Variants in KANK3 observed in about 807,000 individuals in gnomAD.
KANK3 encodes the protein KN motif and ankyrin repeat domains 3.
Under a neutral mutation model 65.4 loss-of-function variants are expected in KANK3, and 61 were observed. That is an observed-to-expected ratio of 0.93 (90% CI 0.76 to 1.15). The LOEUF (loss-of-function observed/expected upper bound fraction) is 1.15. Among genes scored for constraint, KANK3 ranks in the 50% most tolerant of loss-of-function variants. The pLI, the probability that KANK3 is intolerant of heterozygous loss-of-function variation, is 0.00. For missense variants in KANK3, 1,187 were observed against 1,178.8 expected, an observed-to-expected ratio of 1.01 and a Z score of -0.10; for synonymous variants, 586 against 543.3, an observed-to-expected ratio of 1.08 and a Z score of -1.09.
chr19:8,340,245 G>C (rs1306592538), intron 1 of KANK3, among the ~76,000 whole-genome samples: 1 of 90,934 alleles, frequency 1.1e-5, no homozygotes, highest in Non-Finnish European at 2.1e-5. Flanking sequence ...CTGGGGGACA[G>C]AGCCAGACTC....
intron 1 of KANK3, among the ~76,000 whole-genome samples, chr19:8,339,092 A>C (rs968307263): frequency 1.8e-4 from 28 of 152,178 alleles, no homozygotes; most frequent in African/African-American, 6.7e-4. Context: ...GCAAACACAA[A>C]ACACCTGGGT....
intron 1 of KANK3, among the ~76,000 whole-genome samples, chr19:8,339,764 T>C (rs1214376534): frequency 1.3e-5 from 2 of 151,590 alleles, no homozygotes; most frequent in African/African-American, 2.4e-5. Context: ...GCTCTGTCTC[T>C]AAATAAATAA....
chr19:8,335,160 G>C lies in KANK3; in HGVS notation c.667C>G (p.Arg223Gly). 4.1e-6 allele frequency: 5 copies of C among 1,215,818 alleles called. No homozygotes were observed. Among genetic ancestry groups the C allele is most frequent in the Non-Finnish European group, 5.1e-6 (5 of 978,828 alleles). 75.3% of individuals were successfully genotyped at this position (1,215,818 alleles called of 1,614,324 possible). A position where few individuals can be genotyped will look rare whatever the true frequency, so the allele number is the denominator to read the frequency against. ...GGCTGCGCGCGCCCGGCCAGCAGCC[G>C]CGCCTTCTCGGCGCGCAGCGCGCGC... is the stretch of plus-strand genomic sequence containing the variant. ...QVRALRAEKARLLAGRAQPEP... is the reference protein window; with the variant it reads ...QVRALRAEKAGLLAGRAQPEP... The change falls in exon 3 of 11, where the codon CGG becomes GGG. Residue 223 changes from arginine (R) to glycine (G), a missense_variant. Arg to Gly is a moderately radical substitution (Grantham distance 125). This residue lies in a region of KANK3 where 1,078 missense variants were observed against 1,038.2 expected (regional missense o/e 1.04). Transcript: ENST00000330915.
At chr19:8,341,999 CTTTTAT>C (rs1191319966) in intron 1 of KANK3, among the ~76,000 whole-genome samples, 5 of 151,852 alleles carry the variant, frequency 3.3e-5, no homozygotes, top group Non-Finnish European at 5.9e-5. Context: ...TGAATGCTTT[CTTTTAT>C]TTTTATTTTT....
In KANK3 at chr19:8,333,900, C is replaced by G; in HGVS notation, c.1634+10G>C. Reference sequence around the variant, plus strand: ...GCCTCCTCTCCAAACAACTAGCGAGCGCCGCTCACCTCCCCTGTGCCACCT... The same window carrying G: ...GCCTCCTCTCCAAACAACTAGCGAGGGCCGCTCACCTCCCCTGTGCCACCT... On this transcript the variant is annotated intron_variant, in intron 5 of 10. Transcript: ENST00000330915. The surrounding 1 kb of genome is among the most constrained non-coding windows in gnomAD (Gnocchi z 5.0). 6.3e-7 allele frequency: 1 copy of G among 1,575,542 alleles called. No individual in the cohort carries two copies. Among genetic ancestry groups the G allele is most frequent in the Non-Finnish European group, 8.6e-7 (1 of 1,163,210 alleles).
intron 7 of KANK3, among the ~76,000 whole-genome samples, chr19:8,325,984 G>A (rs757209740): frequency 2.6e-5 from 4 of 152,160 alleles, no homozygotes; most frequent in East Asian, 2.0e-4. Flanking sequence ...GCACCACCAC[G>A]CCCAGCTAAT....
intron 1 of KANK3, among the ~76,000 whole-genome samples, chr19:8,341,060 G>A (rs986267212): frequency 2.6e-5 from 4 of 152,114 alleles, no homozygotes; most frequent in African/African-American, 9.7e-5. Flanking sequence ...TGGGATCTCA[G>A]AAGACAGCTG....
At chr19:8,342,384 T>C (rs2145446076) in intron 1 of KANK3, among the ~76,000 whole-genome samples, 1 of 152,252 alleles carries the variant, frequency 6.6e-6, no homozygotes, top group African/African-American at 2.4e-5. Flanking sequence ...GGCTGGGGCC[T>C]CACTAAGTGG....
Position 8,333,748 on chromosome 19 carries a change from C to T in KANK3, c.1695G>A (p.Arg565=), listed in dbSNP as rs1599648134. 2.0e-6 allele frequency: 3 copies of T among 1,476,650 alleles called. No homozygotes were observed. The highest frequency in any genetic ancestry group is 2.7e-6 in the Non-Finnish European group (3 of 1,110,242). 91.5% of individuals were successfully genotyped at this position (1,476,650 alleles called of 1,614,324 possible). The change falls in exon 6 of 11, where the codon CGG becomes CGA. Residue 565 remains arginine, a synonymous_variant. Coordinates refer to ENST00000330915, the MANE Select transcript of KANK3 (RefSeq NM_198471.3). The surrounding 1 kb of genome is among the most constrained non-coding windows in gnomAD (Gnocchi z 5.0). ...ACVALQRQLS[R]PRGVASDGGA... The stretch of plus-strand genomic sequence containing the variant: ...CGCCGTCGCTGGCTACTCCGCGGGG[C>T]CGGCTCAGCTGCCGCTGCAGCGCTA...
At position 8,334,752 on chromosome 19, in the gene KANK3, G is replaced by T; in HGVS notation, c.1075C>A (p.Arg359Ser). The T allele has an allele frequency of 6.6e-7, 1 of 1,525,724 alleles. No individual in the cohort carries two copies. Among genetic ancestry groups the T allele is most frequent in the South Asian group, 1.2e-5 (1 of 83,042 alleles). 94.5% of individuals were successfully genotyped at this position (1,525,724 alleles called of 1,614,324 possible). Residue 359 changes from arginine to serine, a missense_variant, in exon 3 of 11, where the codon CGC becomes AGC. Coordinates refer to ENST00000330915, the MANE Select transcript of KANK3 (RefSeq NM_198471.3). ...AAAERELELL[R>S]ASLEHQRGVS... is the part of the protein sequence containing the mutation. ...CCGCGCTGGTGCTCCAGACTGGCGC[G>T]CAGCAGCTCTAGCTCGCGCTCGGCG...
intron 7 of KANK3, among the ~76,000 whole-genome samples, 200 bp from the exon 8 acceptor site, chr19:8,325,296 C>CCTTTTTT (rs1970406665): frequency 1.3e-5 from 1 of 78,604 alleles, no homozygotes; most frequent in Non-Finnish European, 2.3e-5. Context: ...CCTGTTTCAT[C>CCTTTTTT]TTTTTTTTTT....
At chr19:8,330,901 C>T (rs985068906) in intron 7 of KANK3, among the ~76,000 whole-genome samples, 1 of 147,352 alleles carries the variant, frequency 6.8e-6, no homozygotes, top group African/African-American at 2.5e-5. Context: ...AAGATCTGTT[C>T]GAAAAAACAA....
At chr19:8,332,855 A>T (rs1970551081) in intron 7 of KANK3, 159 bp downstream of exon 7, 3 of 411,454 alleles carry the variant, frequency 7.3e-6, no homozygotes, top group Non-Finnish European at 1.3e-5. Context: ...ATAAAATAAT[A>T]AAATTAAAAT....
At chr19:8,332,585 G>C (rs915264265) in intron 7 of KANK3, among the ~76,000 whole-genome samples, 4 of 151,548 alleles carry the variant, frequency 2.6e-5, no homozygotes, top group Non-Finnish European at 5.9e-5. Context: ...TTGGGAGGCC[G>C]GGGCAGGCAG....
At chr19:8,325,572 G>A (rs1970413487) in intron 7 of KANK3, among the ~76,000 whole-genome samples, 1 of 151,954 alleles carries the variant, frequency 6.6e-6, no homozygotes, top group South Asian at 2.1e-4. Context: ...TGGCCCAGTG[G>A]CTATTTCAAA....
At chr19:8,328,592 G>T (rs758384898) in intron 7 of KANK3, among the ~76,000 whole-genome samples, 1 of 152,104 alleles carries the variant, frequency 6.6e-6, no homozygotes, top group Non-Finnish European at 1.5e-5. Flanking sequence ...GAGGCAAAGA[G>T]ACAAGGGGTG....
intron 2 of KANK3, 40 bp downstream of exon 2, chr19:8,337,755 A>G: frequency 6.2e-7 from 1 of 1,603,440 alleles, no homozygotes; most frequent in Non-Finnish European, 8.5e-7. Context: ...TTCTCTGTGC[A>G]TGCGCACACA....
chr19:8,333,551 A>C lies in KANK3; in HGVS notation c.1719+173T>G, dbSNP rs1481656047. Among the ~76,000 whole-genome samples, 1 of 152,214 alleles carries C rather than the reference A, an allele frequency of 6.6e-6. No individual in the cohort carries two copies. The highest frequency in any genetic ancestry group is 2.4e-5 in the African/African-American group (1 of 41,536). On this transcript the variant is annotated intron_variant, in intron 6 of 10. Transcript: ENST00000330915. The surrounding 1 kb of genome is among the most constrained non-coding windows in gnomAD (Gnocchi z 5.0). ...GGGCTGGGGCCGGGCCTTTTTGGGG[A>C]AACCAAGGAAAGATCGGCGCTGTCC...
chr19:8,338,970 C>T (rs2913959), intron 1 of KANK3, among the ~76,000 whole-genome samples: 91,741 of 150,412 alleles, frequency 0.61, 28,279 homozygotes, highest in African/African-American at 0.66. Flanking sequence ...TGGGGAATTG[C>T]GGGCTGGATG....
Sources: allele counts gnomAD v4.1 joint callset (sites outside exome capture counted in the v4.1 genomes callset), GRCh38; gene constraint gnomAD v4.1.1; regional missense constraint gnomAD v4.1.1; non-coding constraint Gnocchi (gnomAD v3.1); transcripts MANE v1.5; gene names NCBI Gene and HGNC (gene_info 2026-07-23, HGNC 2026-07-21).